GRIK1: variants seen among roughly 807,000 people sequenced by gnomAD.
GRIK1 encodes the protein glutamate ionotropic receptor kainate type subunit 1, also known as glutamate receptor ionotropic, kainate 1.
In GRIK1, 69 loss-of-function variants were observed where a neutral mutation model predicts 105.7. The observed-to-expected ratio is 0.65, with a 90% CI of 0.54 to 0.80. The LOEUF (loss-of-function observed/expected upper bound fraction) is 0.80. Among genes scored for constraint, GRIK1 ranks in the 30% least tolerant of loss-of-function variants. GRIK1 has a pLI of 0.00. For missense variants in GRIK1, 1,109 were observed against 1,167.3 expected (o/e 0.95, Z 0.73); for synonymous variants, 438 against 431.3 (o/e 1.02, Z -0.19).
Position 29,924,654 on chromosome 21 carries a change from C to T in GRIK1, c.118+14729G>A, listed in dbSNP as rs1028479632. Among the ~76,000 whole-genome samples the T allele has an allele frequency of 4.6e-5, 7 of 152,254 alleles. No homozygotes were observed. In the East Asian group the frequency reaches 7.7e-4, roughly 17 times the overall value. On this transcript the variant is annotated intron_variant, in intron 1 of 17. Coordinates refer to ENST00000327783, the MANE Select transcript of GRIK1 (RefSeq NM_001330994.2). The stretch of plus-strand genomic sequence containing the variant: ...TGTCTCAAAAAATTTTATTCTCCCC[C>T]GACCTTTTTTGTTTTTTTCACCTTT...
intron 1 of GRIK1, among the ~76,000 whole-genome samples, chr21:29,900,273 C>A (rs2070346232): frequency 6.6e-6 from 1 of 151,826 alleles, no homozygotes. Context: ...ATCAAATTCA[C>A]ACATAAGAAT....
chr21:29,589,693 G>T (rs2061303534), intron 10 of GRIK1, among the ~76,000 whole-genome samples: 1 of 151,952 alleles, frequency 6.6e-6, no homozygotes, highest in South Asian at 2.1e-4. Context: ...CAAAGTGCTG[G>T]GACTACCGGT....
chr21:29,905,409 T>A (rs924845559), intron 1 of GRIK1, among the ~76,000 whole-genome samples: 6 of 140,196 alleles, frequency 4.3e-5, no homozygotes, highest in Admixed American at 7.1e-5. Context: ...AACTTATTTT[T>A]AAAAATTTTT....
chr21:29,569,174 G>C (rs1450974813), intron 14 of GRIK1, among the ~76,000 whole-genome samples: 7 of 152,174 alleles, frequency 4.6e-5, no homozygotes, highest in Non-Finnish European at 1.0e-4. Flanking sequence ...GCTGAACAGA[G>C]ACCAAACCAA....
At chr21:29,618,305 T>C (rs991304120) in intron 7 of GRIK1, among the ~76,000 whole-genome samples, 1 of 152,044 alleles carries the variant, frequency 6.6e-6, no homozygotes, top group East Asian at 1.9e-4. Context: ...CAAACCACAA[T>C]GCGATACCAC....
chr21:29,628,143 C>T (rs2062176579), intron 7 of GRIK1, among the ~76,000 whole-genome samples: 1 of 152,162 alleles, frequency 6.6e-6, no homozygotes, highest in Non-Finnish European at 1.5e-5. Context: ...GCAATGTAAT[C>T]CATGTCAGGT....
intron 1 of GRIK1, among the ~76,000 whole-genome samples, chr21:29,937,877 A>G (rs1254142180): frequency 1.3e-5 from 2 of 152,116 alleles, no homozygotes; most frequent in Non-Finnish European, 2.9e-5. Context: ...CTTATCTCAG[A>G]TAAAGGATAT....
At chr21:29,905,873 C>T (rs567344573) in intron 1 of GRIK1, among the ~76,000 whole-genome samples, 3 of 152,100 alleles carry the variant, frequency 2.0e-5, no homozygotes, top group South Asian at 4.1e-4. Context: ...AGTGATCTCC[C>T]GACCTCGGCC....
intron 12 of GRIK1, among the ~76,000 whole-genome samples, chr21:29,586,895 A>G (rs1162970966): frequency 2.0e-5 from 3 of 152,220 alleles, no homozygotes; most frequent in African/African-American, 4.8e-5. Context: ...GAACTTTTAA[A>G]GTATTTTTCT....
At chr21:29,754,592 T>C (rs1406964565) in intron 1 of GRIK1, among the ~76,000 whole-genome samples, 1 of 152,174 alleles carries the variant, frequency 6.6e-6, no homozygotes, top group Non-Finnish European at 1.5e-5. Context: ...CAGAGGGGTG[T>C]GATTGTCATT....
intron 1 of GRIK1, among the ~76,000 whole-genome samples, chr21:29,870,296 C>T (rs1312486298): frequency 6.6e-6 from 1 of 151,462 alleles, no homozygotes; most frequent in Admixed American, 6.6e-5. Flanking sequence ...TATGATTTTC[C>T]CAAGAGAAAT....
intron 14 of GRIK1, among the ~76,000 whole-genome samples, chr21:29,574,099 G>A (rs981874701): frequency 4.5e-5 from 1 of 22,010 alleles, no homozygotes; most frequent in Non-Finnish European, 7.9e-5. Flanking sequence ...TATATATGAT[G>A]AATAAATAAA....
intron 12 of GRIK1, among the ~76,000 whole-genome samples, chr21:29,585,333 G>A (rs1039255938): frequency 3.3e-5 from 5 of 152,142 alleles, no homozygotes; most frequent in Admixed American, 3.3e-4. Context: ...TGAATGGCGT[G>A]CCATTCTGAC....
At chr21:29,929,041 T>A (rs982330806) in intron 1 of GRIK1, among the ~76,000 whole-genome samples, 2 of 152,216 alleles carry the variant, frequency 1.3e-5, no homozygotes, top group African/African-American at 4.8e-5. Flanking sequence ...ATGTTAAATG[T>A]AATACAGCTG....
intron 3 of GRIK1, among the ~76,000 whole-genome samples, chr21:29,685,530 G>A (rs1283640363): frequency 2.0e-5 from 3 of 151,750 alleles, no homozygotes; most frequent in Non-Finnish European, 2.9e-5. Context: ...GTAGGTAATC[G>A]CCTAACCAAG....
chr21:29,677,365 T>C (rs363547), intron 3 of GRIK1, among the ~76,000 whole-genome samples: 3,084 of 152,306 alleles, frequency 0.02, 179 homozygotes, highest in South Asian at 0.15. Context: ...GCAACTTTGG[T>C]TGAATAAACG....
At chr21:29,803,921 C>A (rs747194470) in intron 1 of GRIK1, among the ~76,000 whole-genome samples, 1 of 151,970 alleles carries the variant, frequency 6.6e-6, no homozygotes, top group Non-Finnish European at 1.5e-5. Context: ...AGGAAGAGAT[C>A]CTTTTCTCTT....
At chr21:29,725,401 G>T (rs962554713) in intron 1 of GRIK1, among the ~76,000 whole-genome samples, 2 of 152,136 alleles carry the variant, frequency 1.3e-5, no homozygotes, top group African/African-American at 4.8e-5. Context: ...AAATCACTAG[G>T]ATGATCTTTC....
intron 7 of GRIK1, among the ~76,000 whole-genome samples, chr21:29,638,589 C>T (rs1051530711): frequency 2.6e-5 from 4 of 152,138 alleles, no homozygotes; most frequent in African/African-American, 9.7e-5. Flanking sequence ...AAAACATAAT[C>T]CTCACATAAA....
Sources: allele counts gnomAD v4.1 joint callset (sites outside exome capture counted in the v4.1 genomes callset), GRCh38; gene constraint gnomAD v4.1.1; transcripts MANE v1.5; gene names NCBI Gene and HGNC (gene_info 2026-07-23, HGNC 2026-07-21).